TBX21: variants seen among roughly 807,000 people sequenced by gnomAD.
TBX21 encodes the protein T-box transcription factor 21.
Under a neutral mutation model 52.2 loss-of-function variants are expected in TBX21, and 11 were observed. That is an observed-to-expected ratio of 0.21 (90% confidence interval 0.13 to 0.35). The LOEUF (loss-of-function observed/expected upper bound fraction) is 0.35, where lower values mean the gene tolerates loss of function less well. Ranked by LOEUF, TBX21 falls within the 10% of genes least tolerant of loss-of-function variation. The pLI is 1.00. For synonymous variants in TBX21, 300 were observed against 316.1 expected (o/e 0.95, Z 0.54); for missense variants, 625 against 755.1 (o/e 0.83, Z 2.02).
chr17:47,744,245 TGAGGTGAACGACGGAGAGCCA>T lies in TBX21; in HGVS notation c.824_844del (p.Val275_Glu281del). 1 of 1,614,168 alleles carries T rather than the reference TGAGGTGAACGACGGAGAGCCA, an allele frequency of 6.2e-7. No individual in the cohort carries two copies. The highest frequency in any genetic ancestry group is 1.3e-5 in the African/African-American group (1 of 75,026). Reference sequence around the variant, plus strand: ...AGTACCAGCCCCGGCTGCATATCGTTGAGGTGAACGACGGAGAGCCAGAGGCAGCCTGCAACGCTTCCAACA... The same window carrying T: ...AGTACCAGCCCCGGCTGCATATCGTTGAGGCAGCCTGCAACGCTTCCAACA... On this transcript the variant is annotated inframe_deletion, in exon 4 of 6. Coordinates refer to ENST00000177694, the MANE Select transcript of TBX21 (RefSeq NM_013351.2).
intron 1 of TBX21, among the ~76,000 whole-genome samples, chr17:47,740,353 C>T (rs180769472): frequency 6.6e-6 from 1 of 152,236 alleles, no homozygotes; most frequent in African/African-American, 2.4e-5. Flanking sequence ...CGAGTGTGAG[C>T]CACTGTGCTG....
In TBX21 at chr17:47,744,806, C is replaced by T. The variant is rs2032309259; in HGVS notation, c.1048C>T (p.Leu350Phe). ...CCCGCCTGGACCCAACTGTCAATTC[C>T]TTGGGGGAGATCACTACTCTCCTCT... is the stretch of plus-strand genomic sequence containing the variant. ...PSPPGPNCQF[L>F]GGDHYSPLLP... The change falls in exon 6 of 6, where the codon CTT becomes TTT. Residue 350 changes from leucine to phenylalanine, a missense_variant. Leu to Phe is a conservative substitution (Grantham distance 22). This residue lies in a region of TBX21 where 261 missense variants were observed against 275.1 expected (regional missense o/e 0.95). Transcript: ENST00000177694. 2 of 1,614,048 alleles carry T rather than the reference C, an allele frequency of 1.2e-6. No homozygotes were observed. Among genetic ancestry groups the T allele is most frequent in the Admixed American group, 1.7e-5 (1 of 60,010 alleles).
chr17:47,744,120 C>A (rs1484636876), intron 3 of TBX21, 75 bp from the exon 4 acceptor site: 1 of 1,563,642 alleles, frequency 6.4e-7, no homozygotes, highest in Non-Finnish European at 8.7e-7. Flanking sequence ...CACGTGGGGC[C>A]AGCTGTTGGT....
chr17:47,733,694 AC>A lies in TBX21; in HGVS notation c.244del (p.Gln82ArgfsTer56). 7.0e-7 allele frequency: 1 copy of A among 1,420,944 alleles called. No homozygotes were observed. The highest frequency in any genetic ancestry group is 9.2e-7 in the Non-Finnish European group (1 of 1,088,760). The allele number at this position is 1,420,944 out of a possible 1,614,324, so 88.0% of individuals were successfully genotyped here. On this transcript the variant is annotated frameshift_variant, in exon 1 of 6. Transcript: ENST00000177694. LOFTEE classifies it high-confidence loss of function. This position sits in a 1 kb window ranked among gnomAD's most constrained non-coding sequence, Gnocchi z 6.6. ...FLGAYAYPPRPQAAGFPGAGE... is the reference protein window; with the variant it reads ...FLGAYAYPPRXQAAGFPGAGE... ...TTGGAGCCTACGCCTACCCGCCGCG[AC>A]CCCAGGCGGCCGGCTTCCCCGGCGC...
intron 3 of TBX21, among the ~76,000 whole-genome samples, chr17:47,743,451 A>C (rs1202614126): frequency 6.6e-6 from 1 of 152,210 alleles, no homozygotes; most frequent in Non-Finnish European, 1.5e-5. Flanking sequence ...TTCAGGCCAC[A>C]CAGGCCAACC....
chr17:47,741,335 G>A (rs1597984662), intron 1 of TBX21, among the ~76,000 whole-genome samples: 1 of 152,142 alleles, frequency 6.6e-6, no homozygotes, highest in East Asian at 1.9e-4. Flanking sequence ...GGTGCTGGTT[G>A]TAGTGGTGGT....
chr17:47,739,080 G>A (rs2032239448), intron 1 of TBX21, among the ~76,000 whole-genome samples: 1 of 152,180 alleles, frequency 6.6e-6, no homozygotes, highest in Non-Finnish European at 1.5e-5. Context: ...GGCCAGCAGA[G>A]GAATTTGGGG....
chr17:47,745,775 T>C lies in TBX21; in HGVS notation c.*409T>C, dbSNP rs540423905. 1 of 169,306 alleles carries C rather than the reference T, an allele frequency of 5.9e-6. No homozygotes were observed. The highest frequency in any genetic ancestry group is 1.7e-4 in the East Asian group (1 of 5,908). The allele number at this position is 169,306 out of a possible 1,614,324, so 10.5% of individuals were successfully genotyped here. On this transcript the variant is annotated 3_prime_UTR_variant, in exon 6 of 6. Transcript: ENST00000177694. Reference sequence around the variant, plus strand: ...TGTACAGTAACTTTCAACCTTTTCGTTGGCATGTGTGTTAATCCCTGATCC... The same window carrying C: ...TGTACAGTAACTTTCAACCTTTTCGCTGGCATGTGTGTTAATCCCTGATCC...
intron 1 of TBX21, among the ~76,000 whole-genome samples, chr17:47,740,131 T>C (rs1009921859): frequency 1.3e-5 from 2 of 151,626 alleles, no homozygotes; most frequent in Non-Finnish European, 2.9e-5. Flanking sequence ...AGTGGCGCCA[T>C]CTCGGGTCAC....
chr17:47,744,410 C>T, intron 4 of TBX21, 57 bp downstream of exon 4: 1 of 1,613,910 alleles, frequency 6.2e-7, no homozygotes, highest in East Asian at 2.2e-5. Flanking sequence ...CACTGTCTTC[C>T]TTGGGAGGGA....
chr17:47,733,530 G>A lies in TBX21; in HGVS notation c.76G>A (p.Ala26Thr), dbSNP rs1294437607. 1.3e-6 allele frequency: 2 copies of A among 1,491,688 alleles called. No homozygotes were observed. Among genetic ancestry groups the A allele is most frequent in the South Asian group, 1.3e-5 (1 of 79,364 alleles). 92.4% of individuals were successfully genotyped at this position (1,491,688 alleles called of 1,614,324 possible). The change falls in exon 1 of 6, where the codon GCG becomes ACG. Residue 26 changes from alanine (A) to threonine (T), a missense_variant. This residue lies in a region of TBX21 where 221 missense variants were observed against 204.9 expected (regional missense o/e 1.08). Transcript: ENST00000177694. This position sits in a 1 kb window ranked among gnomAD's most constrained non-coding sequence, Gnocchi z 6.6. ...GATGCCGGGGAGCGACGAGGGCCGG[G>A]CGCCTGGCGCCGACCCGCAGCACCG... is the stretch of plus-strand genomic sequence containing the variant. ...EPMPGSDEGRAPGADPQHRYF... is the reference protein window; with the variant it reads ...EPMPGSDEGRTPGADPQHRYF...
In TBX21 at chr17:47,745,033, C is replaced by T; in HGVS notation, c.1275C>T (p.Val425=). Reference sequence around the variant, plus strand: ...TGTCCTACTACCGAGGCCAGGAGGTCCTGGCACCTGGAGCTGGCTGGCCTG... The same window carrying T: ...TGTCCTACTACCGAGGCCAGGAGGTTCTGGCACCTGGAGCTGGCTGGCCTG... The part of the protein sequence containing the change: ...PTMSYYRGQE[V]LAPGAGWPVA... The change falls in exon 6 of 6, where the codon GTC becomes GTT. Residue 425 remains valine (V), a synonymous_variant. Transcript: ENST00000177694. 1.2e-6 allele frequency: 2 copies of T among 1,612,704 alleles called. No homozygotes were observed. The highest frequency in any genetic ancestry group is 1.1e-5 in the South Asian group (1 of 91,078).
At chr17:47,737,635 T>G (rs2032220634) in intron 1 of TBX21, among the ~76,000 whole-genome samples, 1 of 152,138 alleles carries the variant, frequency 6.6e-6, no homozygotes, top group Non-Finnish European at 1.5e-5. Flanking sequence ...TACATCTTTT[T>G]TTTTTTTTGA....
At chr17:47,739,158 C>T (rs1039047674) in intron 1 of TBX21, among the ~76,000 whole-genome samples, 4 of 152,122 alleles carry the variant, frequency 2.6e-5, no homozygotes, top group Admixed American at 2.0e-4. Context: ...TGACACCAGA[C>T]CCATCACCAC....
chr17:47,734,033 T>C (rs1267715211), intron 1 of TBX21, 88 bp downstream of exon 1: 17 of 1,591,880 alleles, frequency 1.1e-5, no homozygotes, highest in Non-Finnish European at 1.5e-5. Flanking sequence ...ACAATGCTTC[T>C]GACTCCGTGT....
At chr17:47,737,752 A>C (rs1383214117) in intron 1 of TBX21, among the ~76,000 whole-genome samples, 1 of 151,924 alleles carries the variant, frequency 6.6e-6, no homozygotes, top group African/African-American at 2.4e-5. Flanking sequence ...CAGCCTCCCA[A>C]GTAGCTGGGA....
chr17:47,745,297 C>T lies in TBX21; in HGVS notation c.1539C>T (p.Ser513=). The change falls in exon 6 of 6, where the codon TCC becomes TCT. Residue 513 remains serine, a synonymous_variant. Transcript: ENST00000177694. ...ATCCTTCCAGTGGTGACAGCTCCTC[C>T]CCTGCTGGGGCCCCTTCTCCTTTTG... The part of the protein sequence containing the change: ...SPYPSSGDSS[S]PAGAPSPFDK... The T allele has an allele frequency of 1.9e-6, 3 of 1,613,824 alleles. No homozygotes were observed. The highest frequency in any genetic ancestry group is 2.5e-6 in the Non-Finnish European group (3 of 1,179,884).
At position 47,734,475 on chromosome 17, in the gene TBX21, G is replaced by C. The variant is rs552866530; in HGVS notation, c.491+530G>C. ...AGCGGTGGTGGTGGTGTGTGTGTACGGGGGGAGATTGGGATTTGGTGACAT... is the reference window on the plus strand; with the variant it reads ...AGCGGTGGTGGTGGTGTGTGTGTACCGGGGGAGATTGGGATTTGGTGACAT... On this transcript the variant is annotated intron_variant, in intron 1 of 5. Transcript: ENST00000177694. Among the ~76,000 whole-genome samples, 7 of 151,986 alleles carry C rather than the reference G, an allele frequency of 4.6e-5. No individual in the cohort carries two copies. The East Asian group carries it at 1.2e-3, about 25-fold the overall frequency.
Position 47,745,327 on chromosome 17 carries a change from G to A in TBX21, c.1569G>A (p.Lys523=), listed in dbSNP as rs755900528. ...SPAGAPSPFD[K]EAEGQFYNYF... is the part of the protein sequence containing the mutation. ...CTGGGGCCCCTTCTCCTTTTGATAA[G>A]GAAGCTGAAGGACAGTTTTATAACT... Residue 523 remains lysine, a synonymous_variant, in exon 6 of 6, where the codon AAG becomes AAA. Transcript: ENST00000177694. 17 of 1,609,078 alleles carry A rather than the reference G, an allele frequency of 1.1e-5. No homozygotes were observed. Among genetic ancestry groups the A allele is most frequent in the Non-Finnish European group, 1.4e-5 (16 of 1,178,464 alleles).
Sources: allele counts gnomAD v4.1 joint callset (sites outside exome capture counted in the v4.1 genomes callset), GRCh38; gene constraint gnomAD v4.1.1; regional missense constraint gnomAD v4.1.1; non-coding constraint Gnocchi (gnomAD v3.1); transcripts MANE v1.5; gene names NCBI Gene and HGNC (gene_info 2026-07-23, HGNC 2026-07-21).